MACROD2: variants seen among roughly 807,000 people sequenced by gnomAD.
MACROD2 encodes the protein mono-ADP ribosylhydrolase 2.
Under a neutral mutation model 70.4 loss-of-function variants are expected in MACROD2, and 36 were observed. The observed-to-expected ratio is 0.51, with a 90% CI of 0.39 to 0.68. MACROD2 has a LOEUF of 0.68. Among genes scored for constraint, MACROD2 ranks in the 30% least tolerant of loss-of-function variants. MACROD2 has a pLI of 0.00. For missense variants in MACROD2, 496 were observed against 538.4 expected (o/e 0.92, Z 0.78); for synonymous variants, 172 against 178.8 (o/e 0.96, Z 0.30).
At chr20:15,343,218 C>T (rs1207741529) in intron 6 of MACROD2, among the ~76,000 whole-genome samples, 7 of 152,126 alleles carry the variant, frequency 4.6e-5, no homozygotes, top group African/African-American at 1.2e-4. Context: ...TTGGCTTGTA[C>T]GTGCTCTTGT....
chr20:15,240,296 G>C (rs560391120), intron 6 of MACROD2, among the ~76,000 whole-genome samples: 8 of 152,028 alleles, frequency 5.3e-5, no homozygotes, highest in African/African-American at 1.7e-4. Context: ...AAATCTGCTC[G>C]CTTAGTTATT....
At chr20:14,529,206 A>G (rs953192797) in intron 4 of MACROD2, among the ~76,000 whole-genome samples, 3 of 152,236 alleles carry the variant, frequency 2.0e-5, no homozygotes, top group Non-Finnish European at 2.9e-5. Flanking sequence ...GCTTCAAGTA[A>G]CAAGAAACCC....
At chr20:14,763,010 A>G in intron 5 of MACROD2, among the ~76,000 whole-genome samples, 1 of 152,092 alleles carries the variant, frequency 6.6e-6, no homozygotes. Context: ...GAGTGCAGTT[A>G]CCATCGAGAG....
intron 8 of MACROD2, among the ~76,000 whole-genome samples, chr20:15,638,506 C>T (rs2049404580): frequency 6.6e-6 from 1 of 152,186 alleles, no homozygotes; most frequent in African/African-American, 2.4e-5. Context: ...AACTGCAAGT[C>T]ATTAGACAAG....
intron 8 of MACROD2, among the ~76,000 whole-genome samples, chr20:15,590,776 G>A (rs1050742649): frequency 9.9e-5 from 15 of 151,930 alleles, no homozygotes; most frequent in Non-Finnish European, 8.8e-5. Context: ...CTACTCGGGA[G>A]GCATGAGAAT....
chr20:14,698,774 T>G (rs2071157523), intron 5 of MACROD2, among the ~76,000 whole-genome samples: 1 of 149,244 alleles, frequency 6.7e-6, no homozygotes, highest in Admixed American at 6.7e-5. Context: ...ATGTAATTAT[T>G]TAATTAAATA....
chr20:14,882,969 C>T (rs1367314303), intron 5 of MACROD2, among the ~76,000 whole-genome samples: 1 of 152,032 alleles, frequency 6.6e-6, no homozygotes, highest in African/African-American at 2.4e-5. Context: ...TGAGAATGGC[C>T]ACATTTTTGT....
At chr20:14,113,496 C>G (rs1435564193) in intron 3 of MACROD2, among the ~76,000 whole-genome samples, 4 of 152,042 alleles carry the variant, frequency 2.6e-5, no homozygotes, top group African/African-American at 9.7e-5. Flanking sequence ...CTACATCTCT[C>G]TACATAAATA....
chr20:15,874,811 G>A (rs2064644553), intron 9 of MACROD2, among the ~76,000 whole-genome samples: 1 of 152,158 alleles, frequency 6.6e-6, no homozygotes, highest in South Asian at 2.1e-4. Context: ...ATGTTAGGTG[G>A]CATTGCAAAG....
chr20:15,751,339 TA>T (rs2051266068), intron 8 of MACROD2, among the ~76,000 whole-genome samples: 1 of 152,072 alleles, frequency 6.6e-6, no homozygotes, highest in Non-Finnish European at 1.5e-5. Flanking sequence ...TTACCCACAG[TA>T]AAAGTAACAT....
Position 15,043,954 on chromosome 20 carries a change from G to A in MACROD2, c.419-185986G>A, listed in dbSNP as rs546985149. 9.7e-4 allele frequency among the ~76,000 whole-genome samples: 148 copies of A among 152,248 alleles called. 2 individuals are homozygous for A. The highest frequency in any genetic ancestry group is 2.9e-3 in the African/African-American group (119 of 41,548). On this transcript the variant is annotated intron_variant, in intron 5 of 17. Transcript: ENST00000684519. ...AAGCTTCCAAACCTTCTCTGGGAGC[G>A]CCACACTCCTTGTACCTGCATGTGC...
chr20:14,017,608 G>A (rs1180143057), intron 2 of MACROD2, among the ~76,000 whole-genome samples: 1 of 152,036 alleles, frequency 6.6e-6, no homozygotes, highest in African/African-American at 2.4e-5. Flanking sequence ...TCATGTTGGA[G>A]TATTACATTG....
intron 5 of MACROD2, among the ~76,000 whole-genome samples, chr20:14,961,739 TA>T (rs1392384732): frequency 6.6e-6 from 1 of 152,170 alleles, no homozygotes; most frequent in East Asian, 1.9e-4. Context: ...TAAATGATTC[TA>T]AGACACACAT....
chr20:14,848,914 T>A (rs1231615562), intron 5 of MACROD2, among the ~76,000 whole-genome samples: 5 of 152,124 alleles, frequency 3.3e-5, no homozygotes, highest in Non-Finnish European at 7.4e-5. Flanking sequence ...GGCAATCACA[T>A]GGATACTCCA....
intron 3 of MACROD2, among the ~76,000 whole-genome samples, chr20:14,162,674 G>A (rs1315259087): frequency 6.6e-6 from 1 of 151,296 alleles, no homozygotes; most frequent in African/African-American, 2.4e-5. Context: ...TCTAAGTATA[G>A]CTACTCCTGC....
chr20:15,394,598 G>GT (rs2045837276), intron 6 of MACROD2, among the ~76,000 whole-genome samples: 1 of 152,226 alleles, frequency 6.6e-6, no homozygotes, highest in Non-Finnish European at 1.5e-5. Flanking sequence ...ATTTTCCAGT[G>GT]TAAGTGGTTC....
chr20:15,775,563 C>T (rs2051707760), intron 8 of MACROD2, among the ~76,000 whole-genome samples: 1 of 152,076 alleles, frequency 6.6e-6, no homozygotes, highest in Admixed American at 6.6e-5. Flanking sequence ...TTTGGGGTCC[C>T]TTTGGCCAAG....
chr20:14,778,522 C>T (rs1014357063), intron 5 of MACROD2, among the ~76,000 whole-genome samples: 4 of 152,054 alleles, frequency 2.6e-5, no homozygotes, highest in African/African-American at 7.3e-5. Context: ...CACTAAGACC[C>T]GGTCTAGATC....
At chr20:14,794,623 A>G (rs1056957071) in intron 5 of MACROD2, among the ~76,000 whole-genome samples, 1 of 152,122 alleles carries the variant, frequency 6.6e-6, no homozygotes, top group African/African-American at 2.4e-5. Context: ...GAATTTTGGT[A>G]TTTACAAGTT....
Sources: gnomAD v4.1 joint callset for allele counts (sites outside exome capture counted in the v4.1 genomes callset) on GRCh38, gnomAD v4.1.1 for gene constraint, MANE v1.5 for transcripts, NCBI Gene and HGNC (gene_info 2026-07-23, HGNC 2026-07-21) for gene names.